Variants in ALK observed in about 807,000 individuals in gnomAD.
The protein encoded by ALK is ALK tyrosine kinase receptor.
A neutral mutation model predicts 163.1 loss-of-function variants in ALK; 74 were observed. That is an observed-to-expected ratio of 0.45 (90% confidence interval 0.38 to 0.55). The LOEUF (loss-of-function observed/expected upper bound fraction) is 0.55. ALK is among the 20% of genes least tolerant of loss of function. ALK has a pLI of 0.00. For missense variants in ALK, 2,063 were observed against 2,105.3 expected (o/e 0.98, Z 0.39); for synonymous variants, 960 against 843.2 (o/e 1.14, Z -2.40).
At chr2:29,218,444 G>A (rs576420888) in intron 23 of ALK, among the ~76,000 whole-genome samples, 2 of 151,890 alleles carry the variant, frequency 1.3e-5, no homozygotes, top group Non-Finnish European at 1.5e-5. Context: ...TGGGGTGGGG[G>A]TAGTGAGAGA....
At chr2:29,279,898 A>G (rs942844840) in intron 9 of ALK, among the ~76,000 whole-genome samples, 1 of 152,246 alleles carries the variant, frequency 6.6e-6, no homozygotes, top group Non-Finnish European at 1.5e-5. Flanking sequence ...GGCATGTACC[A>G]GGTGGACCAC....
chr2:29,669,194 T>A (rs1349402624), intron 3 of ALK, among the ~76,000 whole-genome samples: 1 of 151,996 alleles, frequency 6.6e-6, no homozygotes. Context: ...AAAAGTGGGG[T>A]GTTAAAGTCT....
At chr2:29,612,710 T>C (rs996279907) in intron 3 of ALK, among the ~76,000 whole-genome samples, 16 of 152,116 alleles carry the variant, frequency 1.1e-4, no homozygotes, top group Non-Finnish European at 1.5e-4. Flanking sequence ...GTTTAGCTCA[T>C]GAAGGGGGTG....
rs187061883 is a variant in ALK, at chr2:29,536,909, T to A, written c.953-4793A>T. Among the ~76,000 whole-genome samples the A allele has an allele frequency of 1.8e-3, 274 of 152,306 alleles. 3 individuals carry two copies. Among genetic ancestry groups the A allele is most frequent in the East Asian group, 0.012 (64 of 5,184 alleles). On this transcript the variant is annotated intron_variant, in intron 3 of 28. Coordinates refer to ENST00000389048, the MANE Select transcript of ALK (RefSeq NM_004304.5). ...TCATGCCTTAGGGATCTGTGGAAGG[T>A]TGAACTTAAGAGTGATAACTTAGGG...
chr2:29,489,636 G>T (rs1420788808), intron 4 of ALK, among the ~76,000 whole-genome samples: 1 of 152,132 alleles, frequency 6.6e-6, no homozygotes, highest in African/African-American at 2.4e-5. Context: ...GTTCAATACT[G>T]CCCCAAATAG....
In ALK at chr2:29,672,812, A is replaced by G. The variant is rs866837148; in HGVS notation, c.952+22038T>C. ...CCACCAACAGTGTAAAAGTGTTCCT[A>G]TTTCTCCACATCCTCTCCAGCACCT... is the stretch of plus-strand genomic sequence containing the variant. On this transcript the variant is annotated intron_variant, in intron 3 of 28. Transcript: ENST00000389048. Among the ~76,000 whole-genome samples the G allele has an allele frequency of 7.9e-3, 1,144 of 145,202 alleles. 11 individuals carry two copies. The highest frequency in any genetic ancestry group is 0.042 in the South Asian group (183 of 4,332).
intron 3 of ALK, among the ~76,000 whole-genome samples, chr2:29,543,273 G>A (rs981249242): frequency 6.6e-5 from 10 of 152,196 alleles, no homozygotes; most frequent in Non-Finnish European, 1.3e-4. Context: ...TCTTTTTCAT[G>A]CTGCTGGATT....
chr2:29,452,610 T>A (rs1023851053), intron 4 of ALK, among the ~76,000 whole-genome samples: 5 of 152,214 alleles, frequency 3.3e-5, no homozygotes, highest in African/African-American at 1.2e-4. Context: ...AGGATATTTA[T>A]ATAGTCTCAA....
At chr2:29,434,067 C>T (rs114123244) in intron 4 of ALK, among the ~76,000 whole-genome samples, 2,157 of 152,256 alleles carry the variant, frequency 0.014, 29 homozygotes, top group African/African-American at 0.05. Flanking sequence ...GGGATGCTTG[C>T]TTGTGCCTGG....
chr2:29,498,367 G>A (rs1672084455), intron 4 of ALK, among the ~76,000 whole-genome samples: 1 of 123,020 alleles, frequency 8.1e-6, no homozygotes, highest in Non-Finnish European at 1.9e-5. Context: ...ATTTTGAACT[G>A]TGATTTTTTT....
intron 11 of ALK, among the ~76,000 whole-genome samples, chr2:29,265,701 A>C (rs1196590218): frequency 6.6e-6 from 1 of 152,202 alleles, no homozygotes; most frequent in Non-Finnish European, 1.5e-5. Flanking sequence ...ATAAAAACAA[A>C]TCAGAGCTGG....
rs4076174 is a variant in ALK, at chr2:29,852,145, T to A, written c.667+67848A>T. Among the ~76,000 whole-genome samples the A allele has an allele frequency of 6.2e-3, 945 of 152,354 alleles. 7 individuals are homozygous for A. Among genetic ancestry groups the A allele is most frequent in the African/African-American group, 0.022 (904 of 41,580 alleles). On this transcript the variant is annotated intron_variant, in intron 1 of 28. Coordinates refer to ENST00000389048, the MANE Select transcript of ALK (RefSeq NM_004304.5). ...AAACGAAGCCCCTATGTAGCGTTTA[T>A]CCAATGACCTGTGGCACAGAGTTTG...
intron 1 of ALK, among the ~76,000 whole-genome samples, chr2:29,721,424 C>T (rs1679418918): frequency 6.6e-6 from 1 of 152,174 alleles, no homozygotes; most frequent in Non-Finnish European, 1.5e-5. Flanking sequence ...CCTCAAGACC[C>T]TCAGGATGGC....
At chr2:29,713,039 T>G (rs2631973) in intron 2 of ALK, among the ~76,000 whole-genome samples, 104,693 of 152,006 alleles carry the variant, frequency 0.69, 38,611 homozygotes, top group Non-Finnish European at 0.82. Context: ...GGCAGGGCCA[T>G]GCTCTCTCTG....
intron 19 of ALK, chr2:29,223,767 A>T (rs1663822117): frequency 1.8e-6 from 1 of 564,206 alleles, no homozygotes; most frequent in Non-Finnish European, 3.2e-6. Flanking sequence ...TATTTGTATT[A>T]TATAGGGCAG....
chr2:29,614,788 T>C (rs753160555), intron 3 of ALK, among the ~76,000 whole-genome samples: 3 of 151,942 alleles, frequency 2.0e-5, no homozygotes, highest in Non-Finnish European at 4.4e-5. Context: ...ATCCCTGATG[T>C]TTCTTCTTAG....
intron 3 of ALK, among the ~76,000 whole-genome samples, chr2:29,644,326 C>G (rs1041245327): frequency 1.3e-5 from 2 of 151,648 alleles, no homozygotes; most frequent in South Asian, 2.1e-4. Context: ...TACAGCACAC[C>G]AACATGGCAC....
Position 29,252,454 on chromosome 2 carries a change from C to T in ALK, c.2042-1187G>A, listed in dbSNP as rs1664841690. 5.3e-5 allele frequency among the ~76,000 whole-genome samples: 8 copies of T among 152,120 alleles called. No homozygotes were observed. The South Asian group carries it at 1.7e-3, about 32-fold the overall frequency. ...TTTTGCTAAGACATTAAAGTGAAAA[C>T]ATTTTGAAGACTGCACTAATTTAAT... On this transcript the variant is annotated intron_variant, in intron 11 of 28. Coordinates refer to ENST00000389048, the MANE Select transcript of ALK (RefSeq NM_004304.5).
At chr2:29,197,054 C>T (rs1449121537) in intron 27 of ALK, among the ~76,000 whole-genome samples, 194 bp from the exon 28 acceptor site, 1 of 152,164 alleles carries the variant, frequency 6.6e-6, no homozygotes, top group African/African-American at 2.4e-5. Flanking sequence ...ACACAGACAT[C>T]CTGATGTTTA....
Sources: allele counts gnomAD v4.1 joint callset (sites outside exome capture counted in the v4.1 genomes callset), GRCh38; gene constraint gnomAD v4.1.1; transcripts MANE v1.5; gene names NCBI Gene and HGNC (gene_info 2026-07-23, HGNC 2026-07-21).